The following SCLT1 variants were observed in gnomAD, a reference collection of about 807,000 sequenced individuals.
SCLT1 encodes sodium channel-associated protein 1.
SCLT1 carries 78 observed loss-of-function variants against 112.8 expected under a neutral mutation model. The ratio of observed to expected loss-of-function variants is 0.69; its 90% confidence interval spans 0.58 to 0.83. SCLT1 has a LOEUF of 0.83. Among genes scored for constraint, SCLT1 ranks in the 40% least tolerant of loss-of-function variants. SCLT1 has a pLI of 0.00. For missense variants in SCLT1, 747 were observed against 770.4 expected (o/e 0.97, Z 0.36); for synonymous variants, 257 against 254.7 (o/e 1.01, Z -0.09).
intron 5 of SCLT1, among the ~76,000 whole-genome samples, chr4:129,022,157 CA>C (rs984967649): frequency 2.6e-5 from 4 of 152,144 alleles, no homozygotes; most frequent in Admixed American, 6.5e-5. Flanking sequence ...CCTCAAAAAT[CA>C]AAGGTAGATA....
chr4:129,072,522 T>A (rs1751107185), intron 2 of SCLT1, among the ~76,000 whole-genome samples: 1 of 152,124 alleles, frequency 6.6e-6, no homozygotes, highest in Non-Finnish European at 1.5e-5. Flanking sequence ...TTGTCTTTGT[T>A]GGATTGGGTT....
chr4:128,941,332 C>T (rs565995999), intron 17 of SCLT1, among the ~76,000 whole-genome samples: 6 of 152,050 alleles, frequency 3.9e-5, no homozygotes, highest in Admixed American at 3.3e-4. Flanking sequence ...TATTTTTAGT[C>T]TTTTTAATTT....
chr4:129,091,137 T>G (rs1752790381), intron 1 of SCLT1, among the ~76,000 whole-genome samples: 1 of 152,064 alleles, frequency 6.6e-6, no homozygotes. Flanking sequence ...GGTCACTTAA[T>G]GGAATAACCC....
chr4:128,940,213 A>G (rs913087187), intron 17 of SCLT1, among the ~76,000 whole-genome samples: 18 of 152,106 alleles, frequency 1.2e-4, no homozygotes, highest in Non-Finnish European at 2.4e-4. Flanking sequence ...AAAATTATGG[A>G]AAATAACAAA....
chr4:128,899,972 T>C (rs318528), intron 18 of SCLT1, among the ~76,000 whole-genome samples: 110,366 of 151,888 alleles, frequency 0.73, 40,420 homozygotes, highest in African/African-American at 0.82. Flanking sequence ...TTATAAGGGA[T>C]GTGAAGGACC....
chr4:128,895,737 G>A (rs1409984105), intron 18 of SCLT1, among the ~76,000 whole-genome samples: 2 of 152,208 alleles, frequency 1.3e-5, no homozygotes, highest in African/African-American at 2.4e-5. Context: ...GCAGGGCGAG[G>A]CATTGCCTCA....
intron 6 of SCLT1, among the ~76,000 whole-genome samples, chr4:129,001,381 C>T (rs1743468161): frequency 6.6e-6 from 1 of 151,928 alleles, no homozygotes; most frequent in South Asian, 2.1e-4. Context: ...TCAAAAAGCC[C>T]TCAAGTGATT....
chr4:128,876,306 G>A (rs1312387684), intron 4 of SCLT1, among the ~76,000 whole-genome samples: 1 of 152,060 alleles, frequency 6.6e-6, no homozygotes, highest in African/African-American at 2.4e-5. Flanking sequence ...CTTGCTCTGA[G>A]TAAGACCCCT....
chr4:128,953,061 A>G (rs2126004197), intron 13 of SCLT1, among the ~76,000 whole-genome samples: 1 of 152,282 alleles, frequency 6.6e-6, no homozygotes, highest in South Asian at 2.1e-4. Context: ...GTTGTCAAAC[A>G]TTTTGGTCAT....
At position 128,936,665 on chromosome 4, in the gene SCLT1, T is replaced by C; in HGVS notation, c.1819A>G (p.Asn607Asp). Residue 607 changes from asparagine to aspartate, a missense_variant, in exon 18 of 21, where the codon AAT becomes GAT. By Grantham distance (23) the Asn-to-Asp change is conservative. Transcript: ENST00000281142. ...TAACAGTAGACTTACTTTAGATTATTGATTCTAATTTCTGCACTTTCAGTA... is the reference window on the plus strand; with the variant it reads ...TAACAGTAGACTTACTTTAGATTATCGATTCTAATTTCTGCACTTTCAGTA... ...KLTESAEIRI[N>D]NLKSELSRQK... 1 of 1,590,050 alleles carries C rather than the reference T, an allele frequency of 6.3e-7. No homozygotes were observed. Among genetic ancestry groups the C allele is most frequent in the South Asian group, 1.1e-5 (1 of 87,476 alleles).
At chr4:129,072,190 G>A (rs1396459853) in intron 2 of SCLT1, among the ~76,000 whole-genome samples, 1 of 152,116 alleles carries the variant, frequency 6.6e-6, no homozygotes, top group African/African-American at 2.4e-5. Context: ...TAATATAACA[G>A]GTTTTCCTTT....
intron 18 of SCLT1, among the ~76,000 whole-genome samples, chr4:128,899,855 A>G (rs1175725843): frequency 6.6e-6 from 1 of 152,224 alleles, no homozygotes; most frequent in Non-Finnish European, 1.5e-5. Context: ...ATGTGCAAAA[A>G]TCACAAGAAT....
chr4:128,955,276 C>T (rs1180475742), intron 13 of SCLT1, among the ~76,000 whole-genome samples: 1 of 152,140 alleles, frequency 6.6e-6, no homozygotes, highest in Non-Finnish European at 1.5e-5. Flanking sequence ...CCTAACCTCA[C>T]TTTATATAAG....
chr4:128,965,452 CAA>C (rs1740096607), intron 10 of SCLT1, 134 bp from the exon 11 acceptor site: 1 of 640,354 alleles, frequency 1.6e-6, no homozygotes, highest in African/African-American at 1.9e-5. Flanking sequence ...TTAAAAGAAA[CAA>C]TATGACTTTG....
At chr4:129,086,983 C>T (rs924904786) in intron 1 of SCLT1, among the ~76,000 whole-genome samples, 4 of 152,142 alleles carry the variant, frequency 2.6e-5, no homozygotes, top group Admixed American at 2.0e-4. Context: ...GTACACTAGA[C>T]ATCAGACAAT....
At chr4:129,082,748 T>A (rs998102004) in intron 1 of SCLT1, among the ~76,000 whole-genome samples, 4 of 152,202 alleles carry the variant, frequency 2.6e-5, no homozygotes, top group Admixed American at 1.3e-4. Context: ...TATAGTCATA[T>A]TTTTTAGAAT....
At chr4:128,907,190 A>G (rs1027234324) in intron 18 of SCLT1, among the ~76,000 whole-genome samples, 37 of 152,286 alleles carry the variant, frequency 2.4e-4, no homozygotes, top group African/African-American at 8.7e-4. Flanking sequence ...TACAGATCAC[A>G]AAGAACCTTA....
At chr4:128,940,099 C>G (rs1047526818) in intron 17 of SCLT1, among the ~76,000 whole-genome samples, 2 of 151,648 alleles carry the variant, frequency 1.3e-5, no homozygotes, top group Non-Finnish European at 2.9e-5. Context: ...AGTTACTATC[C>G]TGAAATGTTA....
At chr4:129,084,771 G>GAA (rs1356824532) in intron 1 of SCLT1, among the ~76,000 whole-genome samples, 2 of 152,120 alleles carry the variant, frequency 1.3e-5, no homozygotes, top group Non-Finnish European at 2.9e-5. Flanking sequence ...AAGCAATGAG[G>GAA]AAAGAATTCC....
Sources: gnomAD v4.1 joint callset for allele counts (sites outside exome capture counted in the v4.1 genomes callset) on GRCh38, gnomAD v4.1.1 for gene constraint, MANE v1.5 for transcripts, NCBI Gene and HGNC (gene_info 2026-07-23, HGNC 2026-07-21) for gene names.